The following RIN2 variants were observed in gnomAD, a reference collection of about 807,000 sequenced individuals.
RIN2 encodes the protein Ras and Rab interactor 2.
Under a neutral mutation model 78.0 loss-of-function variants are expected in RIN2, and 36 were observed. That is an observed-to-expected ratio of 0.46 (90% CI 0.35 to 0.61). RIN2 has a LOEUF of 0.61. RIN2 is among the 20% of genes least tolerant of loss of function. RIN2 has a pLI of 0.00. For missense variants in RIN2, 1,087 were observed against 1,159.7 expected, an observed-to-expected ratio of 0.94 and a Z score of 0.91; for synonymous variants, 466 against 466.8, an observed-to-expected ratio of 1.00 and a Z score of 0.02.
chr20:19,903,427 T>C (rs557159665), intron 3 of RIN2, among the ~76,000 whole-genome samples: 102 of 152,318 alleles, frequency 6.7e-4, no homozygotes, highest in African/African-American at 2.3e-3. Context: ...GTGTTGTTTA[T>C]GTTCTGTTGG....
At chr20:19,909,829 T>C (rs773679818) in intron 3 of RIN2, among the ~76,000 whole-genome samples, 3 of 152,208 alleles carry the variant, frequency 2.0e-5, no homozygotes, top group Non-Finnish European at 4.4e-5. Flanking sequence ...AGACATTGGC[T>C]TCCCCAGAGG....
At chr20:19,771,922 T>C (rs2034140259) in intron 1 of RIN2, among the ~76,000 whole-genome samples, 1 of 152,150 alleles carries the variant, frequency 6.6e-6, no homozygotes, top group Non-Finnish European at 1.5e-5. Flanking sequence ...TGAGACAGGA[T>C]CTTGCTCTGT....
At chr20:19,788,316 C>T (rs2034752399) in intron 1 of RIN2, among the ~76,000 whole-genome samples, 1 of 151,624 alleles carries the variant, frequency 6.6e-6, no homozygotes, top group Admixed American at 6.6e-5. Flanking sequence ...AAGAATTGGC[C>T]AGGTGCATTG....
chr20:19,903,282 G>C (rs1033645108), intron 3 of RIN2, among the ~76,000 whole-genome samples: 1 of 152,092 alleles, frequency 6.6e-6, no homozygotes, highest in African/African-American at 2.4e-5. Context: ...ATCGGTGGAG[G>C]AGCAGCCAGC....
chr20:19,968,989 G>A (rs999660032), intron 7 of RIN2, among the ~76,000 whole-genome samples: 2 of 152,170 alleles, frequency 1.3e-5, no homozygotes, highest in East Asian at 1.9e-4. Flanking sequence ...TTGAGGACAA[G>A]TGAAAGGTCT....
At chr20:19,911,589 C>G (rs1466245011) in intron 3 of RIN2, among the ~76,000 whole-genome samples, 1 of 152,226 alleles carries the variant, frequency 6.6e-6, no homozygotes, top group Non-Finnish European at 1.5e-5. Context: ...TAATATAACA[C>G]TCCTCTCTAA....
Position 19,942,118 on chromosome 20 carries a change from A to AAAAAAAGAAAG in RIN2, c.158+6923_158+6924insAAGAAAGAAAA, listed in dbSNP as rs61328325. On this transcript the variant is annotated intron_variant, in intron 4 of 12. Coordinates refer to ENST00000255006, the MANE Select transcript of RIN2 (RefSeq NM_018993.4). ...GAGTGAGACTCTATCTCAAAAAAAAAAAAAGAAAGAGAAAGTATTTATTCA... is the reference window on the plus strand; with the variant it reads ...GAGTGAGACTCTATCTCAAAAAAAAAAAAAAAGAAAGAAAAGAAAGAGAAAGTATTTATTCA... Among the ~76,000 whole-genome samples the AAAAAAAGAAAG allele has an allele frequency of 3.6e-4, 51 of 142,994 alleles. 2 individuals carry two copies. The highest frequency in any genetic ancestry group is 1.3e-3 in the African/African-American group (47 of 36,416). 93.8% of individuals were successfully genotyped at this position (142,994 alleles called of 152,430 possible).
At chr20:19,914,947 A>G (rs1330108061) in intron 3 of RIN2, among the ~76,000 whole-genome samples, 3 of 152,136 alleles carry the variant, frequency 2.0e-5, no homozygotes, top group Non-Finnish European at 4.4e-5. Context: ...TACAACCTCA[A>G]TGAGAGCAGA....
chr20:19,924,490 C>CT (rs2040120300), intron 3 of RIN2, among the ~76,000 whole-genome samples: 1 of 44,976 alleles, frequency 2.2e-5, no homozygotes, highest in African/African-American at 1.1e-4. Flanking sequence ...CTTCATACCC[C>CT]ACCTTCATAC....
intron 2 of RIN2, among the ~76,000 whole-genome samples, chr20:19,853,637 C>T (rs1392094610): frequency 1.2e-4 from 18 of 152,098 alleles, no homozygotes; most frequent in Admixed American, 3.3e-4. Context: ...TGGCCAGTGA[C>T]GATGAGCATT....
chr20:19,853,657 G>T (rs1283628856), intron 2 of RIN2, among the ~76,000 whole-genome samples: 2 of 152,186 alleles, frequency 1.3e-5, no homozygotes. Context: ...TTTTTCATGT[G>T]TCTGTTGGCT....
intron 4 of RIN2, among the ~76,000 whole-genome samples, chr20:19,938,968 C>T (rs78162854): frequency 1.3e-3 from 196 of 152,300 alleles, no homozygotes; most frequent in African/African-American, 4.6e-3. Flanking sequence ...CTTCTTGGGC[C>T]TTGTACTCAT....
chr20:19,808,750 A>G (rs945300088), intron 2 of RIN2, among the ~76,000 whole-genome samples: 2 of 152,186 alleles, frequency 1.3e-5, no homozygotes, highest in East Asian at 3.9e-4. Context: ...ATATCTACTC[A>G]GCTGCTGCTG....
chr20:19,903,478 C>T, intron 3 of RIN2, among the ~76,000 whole-genome samples: 1 of 152,182 alleles, frequency 6.6e-6, no homozygotes, highest in East Asian at 1.9e-4. Flanking sequence ...ATTCTACTTC[C>T]AGATTCTAGG....
At position 20,001,017 on chromosome 20, in the gene RIN2, A is replaced by G. The variant is rs1464930110; in HGVS notation, c.*81A>G. Reference sequence around the variant, plus strand: ...TCCCGCTTCTACATGCTTGAGCTTGAAAAGCAGTCACCTCCTCGGGGACCC... The same window carrying G: ...TCCCGCTTCTACATGCTTGAGCTTGGAAAGCAGTCACCTCCTCGGGGACCC... On this transcript the variant is annotated 3_prime_UTR_variant, in exon 13 of 13. Coordinates refer to ENST00000255006, the MANE Select transcript of RIN2 (RefSeq NM_018993.4). 2 of 1,347,502 alleles carry G rather than the reference A, an allele frequency of 1.5e-6. No individual in the cohort carries two copies. The highest frequency in any genetic ancestry group is 2.9e-5 in the African/African-American group (2 of 69,096). The allele number at this position is 1,347,502 out of a possible 1,614,324, so 83.5% of individuals were successfully genotyped here. A position where few individuals can be genotyped will look rare whatever the true frequency, so the allele number is the denominator to read the frequency against.
chr20:19,986,185 C>T (rs1019418406), intron 9 of RIN2, among the ~76,000 whole-genome samples: 4 of 151,992 alleles, frequency 2.6e-5, no homozygotes, highest in Admixed American at 2.0e-4. Flanking sequence ...TCGTCTGTTC[C>T]TTGGGCTCCT....
chr20:19,876,920 AC>A (rs1313067019), intron 2 of RIN2, among the ~76,000 whole-genome samples: 3 of 151,780 alleles, frequency 2.0e-5, no homozygotes, highest in Admixed American at 6.6e-5. Context: ...AAAACAAAAA[AC>A]AAACAAACAA....
At chr20:19,936,035 C>T (rs1470428615) in intron 4 of RIN2, among the ~76,000 whole-genome samples, 1 of 152,196 alleles carries the variant, frequency 6.6e-6, no homozygotes, top group African/African-American at 2.4e-5. Context: ...GGCAGGCCAG[C>T]CAGATGGTTC....
chr20:19,850,286 TGGAGGA>T (rs1345854427), intron 2 of RIN2, among the ~76,000 whole-genome samples: 36 of 152,258 alleles, frequency 2.4e-4, no homozygotes, highest in African/African-American at 7.9e-4. Flanking sequence ...TGAGAGCCCC[TGGAGGA>T]CACGGGGGAG....
Sources: gnomAD v4.1 joint callset for allele counts (sites outside exome capture counted in the v4.1 genomes callset) on GRCh38, gnomAD v4.1.1 for gene constraint, MANE v1.5 for transcripts, NCBI Gene and HGNC (gene_info 2026-07-23, HGNC 2026-07-21) for gene names.